The following MYO3B variants were observed in gnomAD, a reference collection of about 807,000 sequenced individuals.
The protein encoded by MYO3B is myosin-IIIb.
MYO3B carries 156 observed loss-of-function variants against 174.6 expected under a neutral mutation model. The ratio of observed to expected loss-of-function variants is 0.89; its 90% CI spans 0.78 to 1.02. The LOEUF (loss-of-function observed/expected upper bound fraction) is 1.02. Among genes scored for constraint, MYO3B ranks in the 50% least tolerant of loss-of-function variants. The pLI is 0.00. For synonymous variants in MYO3B, 563 were observed against 569.1 expected, an observed-to-expected ratio of 0.99 and a Z score of 0.15; for missense variants, 1,632 against 1,639.4, an observed-to-expected ratio of 1.00 and a Z score of 0.08.
At chr2:170,304,650 A>G (rs2105452352) in intron 7 of MYO3B, among the ~76,000 whole-genome samples, 1 of 151,784 alleles carries the variant, frequency 6.6e-6, no homozygotes, top group Middle Eastern at 3.4e-3. Context: ...TATTTTTAGT[A>G]GAGATGGGGT....
intron 32 of MYO3B, among the ~76,000 whole-genome samples, chr2:170,608,205 C>A (rs1229239293): frequency 6.6e-6 from 1 of 152,144 alleles, no homozygotes; most frequent in Non-Finnish European, 1.5e-5. Context: ...GAGACTCCGT[C>A]TCAAAAAAGA....
chr2:170,544,131 A>T (rs1270651584), intron 32 of MYO3B, 143 bp downstream of exon 32: 5 of 555,104 alleles, frequency 9.0e-6, no homozygotes, highest in Non-Finnish European at 1.6e-5. Context: ...TACATGCTGG[A>T]TGTAAAACTT....
At chr2:170,347,373 A>ATGAGAATC (rs2094024468) in intron 8 of MYO3B, among the ~76,000 whole-genome samples, 1 of 152,172 alleles carries the variant, frequency 6.6e-6, no homozygotes. Context: ...AGGCTGAGGC[A>ATGAGAATC]GACAGATCAC....
intron 9 of MYO3B, among the ~76,000 whole-genome samples, chr2:170,380,581 G>A (rs139041679): frequency 4.7e-4 from 71 of 152,278 alleles, no homozygotes; most frequent in Non-Finnish European, 8.4e-4. Flanking sequence ...ATGAGTTTAT[G>A]AAAGGAATTA....
At chr2:170,633,752 A>G (rs1258699123) in intron 32 of MYO3B, among the ~76,000 whole-genome samples, 1 of 152,248 alleles carries the variant, frequency 6.6e-6, no homozygotes, top group Non-Finnish European at 1.5e-5. Context: ...TAAGCTAATA[A>G]GGAACTTCAG....
chr2:170,445,495 C>G (rs935752153), intron 23 of MYO3B, among the ~76,000 whole-genome samples: 2 of 152,154 alleles, frequency 1.3e-5, no homozygotes, highest in African/African-American at 4.8e-5. Context: ...GCATGCACCA[C>G]CTGGCCTAGC....
At chr2:170,358,124 C>T (rs1024041415) in intron 8 of MYO3B, among the ~76,000 whole-genome samples, 2 of 151,366 alleles carry the variant, frequency 1.3e-5, no homozygotes, top group Non-Finnish European at 2.9e-5. Context: ...TGCACTCCAG[C>T]CTGGGCAACG....
intron 32 of MYO3B, among the ~76,000 whole-genome samples, chr2:170,617,507 G>C (rs1695540294): frequency 1.3e-5 from 2 of 152,280 alleles, no homozygotes; most frequent in Non-Finnish European, 2.9e-5. Flanking sequence ...CATATAGAGA[G>C]TATATACATT....
At chr2:170,513,668 T>G (rs1337228878) in intron 28 of MYO3B, among the ~76,000 whole-genome samples, 1 of 152,230 alleles carries the variant, frequency 6.6e-6, no homozygotes, top group Non-Finnish European at 1.5e-5. Flanking sequence ...TTTCAGGTGC[T>G]TTCATATCTT....
At chr2:170,243,500 A>C (rs1413828900) in intron 7 of MYO3B, among the ~76,000 whole-genome samples, 1 of 152,196 alleles carries the variant, frequency 6.6e-6, no homozygotes, top group African/African-American at 2.4e-5. Flanking sequence ...ATCACTTTCA[A>C]GTTCACCAGT....
At chr2:170,185,318 T>G (rs928481003) in intron 1 of MYO3B, among the ~76,000 whole-genome samples, 5 of 152,110 alleles carry the variant, frequency 3.3e-5, no homozygotes. Flanking sequence ...GTCTTAGACT[T>G]AAGTCTTTAA....
intron 22 of MYO3B, among the ~76,000 whole-genome samples, chr2:170,408,774 C>G (rs958445150): frequency 1.4e-5 from 1 of 70,828 alleles, no homozygotes; most frequent in Non-Finnish European, 3.4e-5. Flanking sequence ...AAAAAAAAAG[C>G]CACAGTCTAC....
rs188957489 is a variant in MYO3B at position 170,491,495 on chromosome 2, T to G, written c.3015-7097T>G. On this transcript the variant is annotated intron_variant, in intron 25 of 34. Transcript: ENST00000408978. Reference sequence around the variant, plus strand: ...GGCTGGAGTGCAGTGGCGCGATCTCTGCTCACTGCAAGCTCCGCCTCCCAG... The same window carrying G: ...GGCTGGAGTGCAGTGGCGCGATCTCGGCTCACTGCAAGCTCCGCCTCCCAG... 5.5e-3 allele frequency among the ~76,000 whole-genome samples: 836 copies of G among 152,284 alleles called. 8 individuals are homozygous for G. The highest frequency in any genetic ancestry group is 8.5e-3 in the Non-Finnish European group (580 of 68,024).
chr2:170,587,903 T>C (rs1693585230), intron 32 of MYO3B, among the ~76,000 whole-genome samples: 1 of 152,206 alleles, frequency 6.6e-6, no homozygotes, highest in Non-Finnish European at 1.5e-5. Flanking sequence ...AAGCTGATTA[T>C]GGAGGAAAAT....
chr2:170,441,251 CTTTCA>C (rs1477540866), intron 22 of MYO3B, among the ~76,000 whole-genome samples: 5 of 152,260 alleles, frequency 3.3e-5, no homozygotes, highest in African/African-American at 1.2e-4. Context: ...ATGTGGATGC[CTTTCA>C]TTTCTTTTCC....
chr2:170,337,684 C>T (rs1393428091), intron 8 of MYO3B, among the ~76,000 whole-genome samples: 1 of 152,172 alleles, frequency 6.6e-6, no homozygotes, highest in Non-Finnish European at 1.5e-5. Context: ...AAAACCTTAA[C>T]TACTGATAGC....
intron 25 of MYO3B, among the ~76,000 whole-genome samples, chr2:170,491,713 C>T (rs1029456008): frequency 9.9e-5 from 15 of 152,254 alleles, no homozygotes; most frequent in African/African-American, 3.1e-4. Flanking sequence ...GCATGAGCCA[C>T]TGTGCCTGGC....
At chr2:170,378,410 T>C (rs887155791) in intron 9 of MYO3B, among the ~76,000 whole-genome samples, 7 of 152,358 alleles carry the variant, frequency 4.6e-5, no homozygotes, top group African/African-American at 1.7e-4. Context: ...CTAGATTGCC[T>C]ACTTCACTTT....
At chr2:170,208,735 T>TAA (rs545957609) in intron 3 of MYO3B, among the ~76,000 whole-genome samples, 1 of 151,618 alleles carries the variant, frequency 6.6e-6, no homozygotes, top group Non-Finnish European at 1.5e-5. Context: ...ATTTTTTTGT[T>TAA]AAAAAAAAAT....
Sources: gnomAD v4.1 joint callset for allele counts (sites outside exome capture counted in the v4.1 genomes callset) on GRCh38, gnomAD v4.1.1 for gene constraint, MANE v1.5 for transcripts, NCBI Gene and HGNC (gene_info 2026-07-23, HGNC 2026-07-21) for gene names.